RUFY3: variants seen among roughly 807,000 people sequenced by gnomAD.
RUFY3 encodes the protein protein RUFY3.
In RUFY3, 34 loss-of-function variants were observed where a neutral mutation model predicts 84.0. The observed-to-expected ratio is 0.40, with a 90% CI of 0.31 to 0.54. RUFY3 has a LOEUF of 0.54. RUFY3 is among the 20% of genes least tolerant of loss of function. RUFY3 has a pLI of 0.39. For synonymous variants in RUFY3, 242 were observed against 252.9 expected (o/e 0.96, Z 0.41); for missense variants, 507 against 736.8 (o/e 0.69, Z 3.61).
At chr4:70,798,430 C>CAGCAGTCGAAGGT (rs1731797522) in intron 14 of RUFY3, among the ~76,000 whole-genome samples, 2 of 151,890 alleles carry the variant, frequency 1.3e-5, no homozygotes, top group South Asian at 4.1e-4. Context: ...CAGTCGAAGG[C>CAGCAGTCGAAGGT]GGGCAGCAGT....
intron 1 of RUFY3, among the ~76,000 whole-genome samples, chr4:70,757,833 T>C (rs1311902047): frequency 6.6e-6 from 1 of 152,132 alleles, no homozygotes; most frequent in African/African-American, 2.4e-5. Flanking sequence ...ATCTAACACA[T>C]AGTAGATGTT....
exon 1 of RUFY3, chr4:70,705,252 T>C: frequency 6.9e-7 from 1 of 1,448,924 alleles, no homozygotes; most frequent in Non-Finnish European, 9.0e-7. Context: ...GCTGCTGAGC[T>C]ACCCGAGCGG....
chr4:70,705,014 GC>G lies in RUFY3; in HGVS notation c.80del (p.Pro27ArgfsTer78). 1 of 1,224,324 alleles carries G rather than the reference GC, an allele frequency of 8.2e-7. No individual in the cohort carries two copies. Among genetic ancestry groups the G allele is most frequent in the South Asian group, 3.8e-5 (1 of 26,128 alleles). 75.8% of individuals were successfully genotyped at this position (1,224,324 alleles called of 1,614,324 possible). On this transcript the variant is annotated frameshift_variant, in exon 1 of 12. Coordinates refer to the RUFY3 transcript ENST00000417478. LOFTEE classifies it high-confidence loss of function. ...AGCCGGCGAGGGGCGGGGAGTGGCG[GC>G]CGGAGGAGCCGCGCCGCGCTCCCGC...
At chr4:70,783,476 ATG>A in intron 9 of RUFY3, among the ~76,000 whole-genome samples, 1 of 152,356 alleles carries the variant, frequency 6.6e-6, no homozygotes, top group Non-Finnish European at 1.5e-5. Flanking sequence ...ATAATTTGTT[ATG>A]TTAAACATAC....
chr4:70,755,018 C>T (rs1053334949), intron 1 of RUFY3, among the ~76,000 whole-genome samples: 6 of 152,018 alleles, frequency 3.9e-5, no homozygotes, highest in Non-Finnish European at 5.9e-5. Flanking sequence ...ATTCTCCTGC[C>T]TCAGTCTCCC....
At position 70,800,189 on chromosome 4, in the gene RUFY3, C is replaced by T. The variant is rs1355740111; in HGVS notation, c.1606C>T (p.Leu536=). ...QEENVKLKKP[L]EESHRLQPHP... is the part of the protein sequence containing the mutation. ...GGAAAATGTTAAACTAAAAAAGCCCCTGGAAGAAAGCCACAGGTGTTTGTT... is the reference window on the plus strand; with the variant it reads ...GGAAAATGTTAAACTAAAAAAGCCCTTGGAAGAAAGCCACAGGTGTTTGTT... The change falls in exon 15 of 18, where the codon CTG becomes TTG. Residue 536 remains leucine, a synonymous_variant. Coordinates refer to ENST00000381006, the MANE Select transcript of RUFY3 (RefSeq NM_001037442.4). The T allele has an allele frequency of 6.2e-7, 1 of 1,605,020 alleles. No homozygotes were observed. The highest frequency in any genetic ancestry group is 8.5e-7 in the Non-Finnish European group (1 of 1,177,486).
At chr4:70,792,134 A>C (rs1463333033) in intron 12 of RUFY3, 15 of 985,532 alleles carry the variant, frequency 1.5e-5, no homozygotes, top group Non-Finnish European at 1.8e-5. Flanking sequence ...CTATTAACAA[A>C]AAATGATGCA....
chr4:70,773,882 C>A (rs879884767), intron 6 of RUFY3, among the ~76,000 whole-genome samples: 25 of 152,092 alleles, frequency 1.6e-4, no homozygotes, highest in Non-Finnish European at 3.1e-4. Context: ...GTCATTTTGA[C>A]CAGAGGAGTC....
intron 1 of RUFY3, among the ~76,000 whole-genome samples, chr4:70,759,421 A>G (rs1201465564): frequency 1.3e-5 from 2 of 150,858 alleles, no homozygotes; most frequent in African/African-American, 4.9e-5. Flanking sequence ...TTCTTTATTC[A>G]TGTTGATGAC....
rs748831490 is a variant in RUFY3, at chr4:70,806,791, G to A, written c.*132G>A. The A allele has an allele frequency of 6.2e-6, 7 of 1,130,432 alleles. No individual in the cohort carries two copies. Among genetic ancestry groups the A allele is most frequent in the Non-Finnish European group, 8.7e-6 (7 of 805,838 alleles). The allele number at this position is 1,130,432 out of a possible 1,614,324, so 70.0% of individuals were successfully genotyped here. ...TTGATAGGAATTTACTAGGTCCAGGGAGAAAAGGCAGTGGTTGGGGTTACT... is the reference window on the plus strand; with the variant it reads ...TTGATAGGAATTTACTAGGTCCAGGAAGAAAAGGCAGTGGTTGGGGTTACT... On this transcript the variant is annotated 3_prime_UTR_variant, in exon 18 of 18. Transcript: ENST00000381006.
chr4:70,731,442 C>T (rs1051714324), intron 1 of RUFY3, among the ~76,000 whole-genome samples: 1 of 152,156 alleles, frequency 6.6e-6, no homozygotes, highest in Non-Finnish European at 1.5e-5. Flanking sequence ...TTTACATAAT[C>T]GTGCATATAC....
At chr4:70,797,382 G>A (rs1263877700) in intron 14 of RUFY3, among the ~76,000 whole-genome samples, 5 of 152,104 alleles carry the variant, frequency 3.3e-5, no homozygotes, top group Non-Finnish European at 4.4e-5. Flanking sequence ...TTCGTAATAC[G>A]CGTTTTCCAT....
intron 11 of RUFY3, 127 bp from the exon 12 acceptor site, chr4:70,789,365 TCAG>T: frequency 1.1e-6 from 1 of 939,756 alleles, no homozygotes. Flanking sequence ...TTTTTCCATT[TCAG>T]GATTAACTGA....
chr4:70,760,231 G>C (rs989592410), intron 1 of RUFY3, among the ~76,000 whole-genome samples: 1 of 152,176 alleles, frequency 6.6e-6, no homozygotes, highest in Non-Finnish European at 1.5e-5. Flanking sequence ...ATGAGAAAAT[G>C]TAGATGGGTT....
At chr4:70,738,185 C>T (rs896408958) in intron 1 of RUFY3, among the ~76,000 whole-genome samples, 1 of 150,242 alleles carries the variant, frequency 6.7e-6, no homozygotes, top group Non-Finnish European at 1.5e-5. Flanking sequence ...GACAGGGTTT[C>T]GCCATGTTGT....
intron 8 of RUFY3, among the ~76,000 whole-genome samples, chr4:70,780,920 T>C (rs1728815083): frequency 6.6e-6 from 1 of 152,088 alleles, no homozygotes; most frequent in African/African-American, 2.4e-5. Flanking sequence ...CGAGGCTCAT[T>C]AGTTCTGCCT....
intron 1 of RUFY3, among the ~76,000 whole-genome samples, chr4:70,751,302 G>T (rs1723096353): frequency 6.6e-6 from 1 of 152,120 alleles, no homozygotes; most frequent in Non-Finnish European, 1.5e-5. Context: ...ATGTTGAATT[G>T]CTGGGTCAAA....
chr4:70,765,039 T>G (rs550060699), intron 4 of RUFY3, among the ~76,000 whole-genome samples: 12 of 151,854 alleles, frequency 7.9e-5, no homozygotes, highest in African/African-American at 2.7e-4. Flanking sequence ...AATATAAAAA[T>G]TAGCCGGGCG....
chr4:70,716,493 A>G (rs1014976324), intron 1 of RUFY3, among the ~76,000 whole-genome samples: 2 of 152,176 alleles, frequency 1.3e-5, no homozygotes, highest in African/African-American at 2.4e-5. Context: ...CTTGTAATAC[A>G]GCAGCCAAAA....
Sources: gnomAD v4.1 joint callset for allele counts (sites outside exome capture counted in the v4.1 genomes callset) on GRCh38, gnomAD v4.1.1 for gene constraint, MANE v1.5 for transcripts, NCBI Gene and HGNC (gene_info 2026-07-23, HGNC 2026-07-21) for gene names.